TPP2: variants seen among roughly 807,000 people sequenced by gnomAD.
TPP2 encodes tripeptidyl peptidase 2.
In TPP2, 34 loss-of-function variants were observed where a neutral mutation model predicts 155.9. The observed-to-expected ratio is 0.22, with a 90% confidence interval of 0.17 to 0.29. The LOEUF (loss-of-function observed/expected upper bound fraction) is 0.29, where lower values mean the gene tolerates loss of function less well. Ranked by LOEUF, TPP2 falls within the 10% of genes least tolerant of loss-of-function variation. TPP2 has a pLI of 1.00. For missense variants in TPP2, 1,028 were observed against 1,522.3 expected, an observed-to-expected ratio of 0.68 and a Z score of 5.40; for synonymous variants, 510 against 529.4, an observed-to-expected ratio of 0.96 and a Z score of 0.50.
Position 102,654,547 on chromosome 13 carries a change from A to G in TPP2, c.2992-2509A>G, listed in dbSNP as rs1010324195. Among the ~76,000 whole-genome samples, 19 of 152,120 alleles carry G rather than the reference A, an allele frequency of 1.2e-4. 1 individual carries two copies. In the South Asian group the frequency reaches 3.9e-3, roughly 32 times the overall value. ...AATTCTCTTTTCTCTTCTGTACTAA[A>G]ACAATAGCAAATACCTCTGAGTCTG... On this transcript the variant is annotated intron_variant, in intron 24 of 29. Transcript: ENST00000376052.
chr13:102,657,144 A>C lies in TPP2; in HGVS notation c.3080A>C (p.Glu1027Ala). ...GATAAGGAAAAAGATTCAGAAAAAG[A>C]GAAAGATTTAAAAGAAGAGTTTACT... ...SKDKEKDSEK[E>A]KDLKEEFTEA... The change falls in exon 25 of 30, where the codon GAG becomes GCG. Residue 1027 changes from glutamate to alanine, a missense_variant. By Grantham distance (107) the Glu-to-Ala change is moderately radical. This residue lies in a region of TPP2 where 179 missense variants were observed against 274.7 expected (regional missense o/e 0.65). Transcript: ENST00000376052. 2 of 1,601,382 alleles carry C rather than the reference A, an allele frequency of 1.2e-6. No individual in the cohort carries two copies. Among genetic ancestry groups the C allele is most frequent in the Non-Finnish European group, 1.7e-6 (2 of 1,176,774 alleles).
Position 102,651,982 on chromosome 13 carries a change from C to T in TPP2, c.2991+585C>T, listed in dbSNP as rs534949390. Among the ~76,000 whole-genome samples, 10 of 152,240 alleles carry T rather than the reference C, an allele frequency of 6.6e-5. No individual in the cohort carries two copies. The East Asian group carries it at 1.7e-3, about 26-fold the overall frequency. On this transcript the variant is annotated intron_variant, in intron 24 of 29. Transcript: ENST00000376052. ...CTAAGAACACAGATTTTAAGCCCAT[C>T]GCTACTAAGTGGTCTGATCAGCCTC...
Position 102,597,212 on chromosome 13 carries a change from G to C in TPP2, c.165+9G>C. The C allele has an allele frequency of 7.3e-7, 1 of 1,375,676 alleles. No homozygotes were observed. Among genetic ancestry groups the C allele is most frequent in the South Asian group, 1.7e-5 (1 of 60,528 alleles). The allele number at this position is 1,375,676 out of a possible 1,614,324, so 85.2% of individuals were successfully genotyped here. A position where few individuals can be genotyped will look rare whatever the true frequency, so the allele number is the denominator to read the frequency against. The stretch of plus-strand genomic sequence containing the variant: ...GGGCTCCGGGCATGCAGGTGAGGCG[G>C]CCCCCGAGGGCCCGGGCGCGGGGGC... On this transcript the variant is annotated intron_variant, in intron 1 of 29. Transcript: ENST00000376052.
intron 2 of TPP2, among the ~76,000 whole-genome samples, chr13:102,606,860 CTG>C (rs1206620013): frequency 6.6e-6 from 1 of 152,234 alleles, no homozygotes; most frequent in Non-Finnish European, 1.5e-5. Context: ...AACTGATTAT[CTG>C]TGTCCCCACC....
intron 13 of TPP2, 140 bp downstream of exon 13, chr13:102,636,532 C>T: frequency 8.9e-7 from 1 of 1,120,120 alleles, no homozygotes; most frequent in Non-Finnish European, 1.2e-6. Context: ...AAATCTTAGT[C>T]ATAAGAGAAA....
At chr13:102,662,655 C>G (rs1442457317) in intron 25 of TPP2, among the ~76,000 whole-genome samples, 21 of 152,074 alleles carry the variant, frequency 1.4e-4, no homozygotes, top group East Asian at 1.9e-4. Flanking sequence ...ATTTTGTTGT[C>G]TACAAGTTAA....
chr13:102,674,533 C>T (rs768876032), intron 28 of TPP2, 43 bp downstream of exon 28: 34 of 1,590,112 alleles, frequency 2.1e-5, no homozygotes, highest in Admixed American at 3.4e-5. Flanking sequence ...CTTGGGGTTA[C>T]CTCACAGACC....
intron 29 of TPP2, among the ~76,000 whole-genome samples, chr13:102,676,656 A>G (rs1216145516): frequency 6.6e-6 from 1 of 152,226 alleles, no homozygotes; most frequent in African/African-American, 2.4e-5. Context: ...AAATGTTTTC[A>G]ACAAGGGCAA....
chr13:102,614,402 T>C (rs1880561928), intron 3 of TPP2, among the ~76,000 whole-genome samples: 3 of 152,228 alleles, frequency 2.0e-5, no homozygotes, highest in Admixed American at 6.5e-5. Context: ...TGATCTTGGG[T>C]ACATGGATAA....
chr13:102,664,951 T>C (rs953151209), intron 27 of TPP2, 26 bp downstream of exon 27: 2 of 1,606,976 alleles, frequency 1.2e-6, no homozygotes, highest in African/African-American at 1.3e-5. Context: ...ATAATCTTTC[T>C]TGCATCTCAT....
intron 5 of TPP2, among the ~76,000 whole-genome samples, chr13:102,619,857 A>G (rs1179636590): frequency 1.3e-5 from 2 of 152,220 alleles, no homozygotes; most frequent in African/African-American, 2.4e-5. Context: ...CAGAGGCTTT[A>G]TACAGAATAA....
At chr13:102,655,023 A>G (rs761055683) in intron 24 of TPP2, 1 of 506,158 alleles carries the variant, frequency 2.0e-6, no homozygotes, top group Non-Finnish European at 3.9e-6. Flanking sequence ...GCCTTTGTTT[A>G]CAGGTTCTGG....
At chr13:102,676,537 G>C in intron 29 of TPP2, 122 bp downstream of exon 29, 3 of 1,118,420 alleles carry the variant, frequency 2.7e-6, no homozygotes, top group Non-Finnish European at 3.8e-6. Flanking sequence ...AGTTATTACA[G>C]TAATTAGCGT....
rs1276917436 is a variant in TPP2 at position 102,644,566 on chromosome 13, G to A, written c.2185G>A (p.Ala729Thr). 2 of 1,604,392 alleles carry A rather than the reference G, an allele frequency of 1.2e-6. No homozygotes were observed. Among genetic ancestry groups the A allele is most frequent in the South Asian group, 2.3e-5 (2 of 88,408 alleles). The change falls in exon 18 of 30, where the codon GCA becomes ACA. Residue 729 changes from alanine (A) to threonine (T), a missense_variant. Ala to Thr is a moderately conservative substitution (Grantham distance 58). Around this residue, in one of 7 missense-constraint regions of TPP2, gnomAD observed 325 missense variants for 463.7 expected, o/e 0.70. Coordinates refer to ENST00000376052, the MANE Select transcript of TPP2 (RefSeq NM_001330588.2). The part of the protein sequence containing the change: ...TEAFPVLGGK[A>T]IEFCIARWWA... ...TTACTTTTATTTGCAGGGTGGAAAA[G>A]CAATTGAATTTTGCATTGCTCGTTG...
intron 4 of TPP2, among the ~76,000 whole-genome samples, chr13:102,617,988 G>C (rs1040528074): frequency 1.3e-5 from 2 of 152,146 alleles, no homozygotes; most frequent in African/African-American, 2.4e-5. Flanking sequence ...CTCAATTTCA[G>C]TATTTATATG....
At chr13:102,643,183 T>C in intron 16 of TPP2, 39 bp from the exon 17 acceptor site, 1 of 1,534,922 alleles carries the variant, frequency 6.5e-7, no homozygotes, top group Non-Finnish European at 8.7e-7. Flanking sequence ...TTTTAGGTCT[T>C]ATAAGTTTAA....
Position 102,633,937 on chromosome 13 carries a change from G to A in TPP2, c.1245-13G>A, listed in dbSNP as rs1882197220. 6.2e-7 allele frequency: 1 copy of A among 1,613,730 alleles called. No individual in the cohort carries two copies. Among genetic ancestry groups the A allele is most frequent in the Non-Finnish European group, 8.5e-7 (1 of 1,179,770 alleles). Reference sequence around the variant, plus strand: ...TCACCATCCTAAGCAAACTTCAATGGCTTTCCATTTAGTGCTGACGGGGCC... The same window carrying A: ...TCACCATCCTAAGCAAACTTCAATGACTTTCCATTTAGTGCTGACGGGGCC... On this transcript the variant is annotated splice_polypyrimidine_tract_variant and intron_variant, in intron 10 of 29. Transcript: ENST00000376052.
chr13:102,665,877 C>A (rs1444336060), intron 27 of TPP2, among the ~76,000 whole-genome samples: 1 of 152,074 alleles, frequency 6.6e-6, no homozygotes, highest in Non-Finnish European at 1.5e-5. Flanking sequence ...TCCATTATAT[C>A]ATTTATATTG....
At chr13:102,649,190 T>C (rs1420783757) in intron 22 of TPP2, 39 bp downstream of exon 22, 8 of 1,554,698 alleles carry the variant, frequency 5.1e-6, no homozygotes, top group African/African-American at 4.1e-5. Context: ...GCCCATCGTA[T>C]ACACTGTAGT....
Sources: gnomAD v4.1 joint callset for allele counts (sites outside exome capture counted in the v4.1 genomes callset) on GRCh38, gnomAD v4.1.1 for gene constraint, gnomAD v4.1.1 regional missense constraint, MANE v1.5 for transcripts, NCBI Gene and HGNC (gene_info 2026-07-23, HGNC 2026-07-21) for gene names.